The following ARHGEF7 variants were observed in gnomAD, a reference collection of about 807,000 sequenced individuals.
The protein encoded by ARHGEF7 is PAK-interacting exchange factor beta.
In ARHGEF7, 33 loss-of-function variants were observed where a neutral mutation model predicts 109.8. That is an observed-to-expected ratio of 0.30 (90% CI 0.23 to 0.40). The LOEUF (loss-of-function observed/expected upper bound fraction) is 0.40. Ranked by LOEUF, ARHGEF7 falls within the 10% of genes least tolerant of loss-of-function variation. The pLI is 1.00. For missense variants in ARHGEF7, 938 were observed against 1,098.5 expected, an observed-to-expected ratio of 0.85 and a Z score of 2.07; for synonymous variants, 458 against 424.6, an observed-to-expected ratio of 1.08 and a Z score of -0.97.
chr13:111,133,410 AT>A (rs2074889365), intron 1 of ARHGEF7, among the ~76,000 whole-genome samples: 1 of 152,132 alleles, frequency 6.6e-6, no homozygotes, highest in Admixed American at 6.5e-5. Flanking sequence ...ATGTATATGT[AT>A]GCACATATAT....
intron 2 of ARHGEF7, among the ~76,000 whole-genome samples, chr13:111,164,374 A>G (rs189060157): frequency 9.5e-4 from 144 of 152,322 alleles, no homozygotes; most frequent in African/African-American, 3.3e-3. Flanking sequence ...GTGTTTGACA[A>G]CATCAAGGCA....
Position 111,146,682 on chromosome 13 carries a change from G to A in ARHGEF7, c.166-7223G>A, listed in dbSNP as rs575660043. ...GTTTTTTTACTCAAACTCTTTCAAA[G>A]TTTGAGAGTCTTTAAATTCTGAGAG... On this transcript the variant is annotated intron_variant, in intron 1 of 21. Transcript: ENST00000646102. Among the ~76,000 whole-genome samples the A allele has an allele frequency of 7.8e-4, 118 of 152,238 alleles. 1 individual carries two copies. The highest frequency in any genetic ancestry group is 1.2e-3 in the Non-Finnish European group (85 of 68,018).
chr13:111,217,972 C>A, intron 5 of ARHGEF7, 92 bp downstream of exon 5: 1 of 1,286,950 alleles, frequency 7.8e-7, no homozygotes, highest in Non-Finnish European at 1.1e-6. Flanking sequence ...CCAGCTGGAC[C>A]TGTGCAAATG....
intron 1 of ARHGEF7, among the ~76,000 whole-genome samples, chr13:111,139,780 T>C (rs917693942): frequency 6.6e-6 from 1 of 152,168 alleles, no homozygotes; most frequent in Non-Finnish European, 1.5e-5. Context: ...CTGATGCCCA[T>C]GCACAGAGGA....
At chr13:111,293,223 C>T (rs1247736529) in intron 19 of ARHGEF7, 2 of 985,302 alleles carry the variant, frequency 2.0e-6, no homozygotes, top group Admixed American at 6.2e-5. Context: ...CTTACAAAGT[C>T]AAGTGCTGTG....
At chr13:111,296,911 A>G (rs1309294426) in intron 19 of ARHGEF7, among the ~76,000 whole-genome samples, 6 of 152,238 alleles carry the variant, frequency 3.9e-5, no homozygotes, top group Non-Finnish European at 8.8e-5. Context: ...TGACTGTGCT[A>G]GAACCATCAT....
chr13:111,195,751 C>A (rs1203080492), intron 2 of ARHGEF7, among the ~76,000 whole-genome samples: 1 of 152,142 alleles, frequency 6.6e-6, no homozygotes, highest in Non-Finnish European at 1.5e-5. Flanking sequence ...GTTGGACAGT[C>A]TTTTTTAAAG....
intron 2 of ARHGEF7, among the ~76,000 whole-genome samples, chr13:111,204,722 A>G (rs80108545): frequency 0.066 from 10,009 of 152,056 alleles, 463 homozygotes; most frequent in Non-Finnish European, 0.098. Context: ...CTGGCCTCAG[A>G]GCTCTGAGGG....
chr13:111,274,606 G>C (rs1314647857), intron 10 of ARHGEF7, 125 bp from the exon 11 acceptor site: 3 of 457,206 alleles, frequency 6.6e-6, no homozygotes, highest in Admixed American at 8.3e-5. Flanking sequence ...CTTTAATGCT[G>C]AGGGAAAAAG....
At chr13:111,192,309 A>G (rs1224837867) in intron 2 of ARHGEF7, among the ~76,000 whole-genome samples, 1 of 152,204 alleles carries the variant, frequency 6.6e-6, no homozygotes, top group African/African-American at 2.4e-5. Context: ...CAAAGAGCCC[A>G]TGGATGGGGA....
intron 6 of ARHGEF7, among the ~76,000 whole-genome samples, chr13:111,242,652 G>A (rs1334535948): frequency 1.3e-5 from 2 of 152,182 alleles, no homozygotes; most frequent in East Asian, 3.8e-4. Context: ...CTTCACTTAC[G>A]TCAGGTCCTT....
chr13:111,136,007 G>T (rs1212791762), intron 1 of ARHGEF7, among the ~76,000 whole-genome samples: 7 of 152,112 alleles, frequency 4.6e-5, no homozygotes, highest in Non-Finnish European at 1.5e-5. Flanking sequence ...TAGCATGAAG[G>T]GCTGTTGAAT....
At chr13:111,180,054 C>A (rs1242684749) in intron 2 of ARHGEF7, among the ~76,000 whole-genome samples, 1 of 152,188 alleles carries the variant, frequency 6.6e-6, no homozygotes, top group Non-Finnish European at 1.5e-5. Context: ...TGCCTACGTG[C>A]CTGAATTACT....
At chr13:111,191,946 A>C (rs2079939452) in intron 2 of ARHGEF7, among the ~76,000 whole-genome samples, 1 of 152,222 alleles carries the variant, frequency 6.6e-6, no homozygotes, top group Non-Finnish European at 1.5e-5. Context: ...ATGCTGCTTA[A>C]TCATATGATG....
chr13:111,217,961 T>C lies in ARHGEF7; in HGVS notation c.670+81T>C, dbSNP rs181527441. On this transcript the variant is annotated intron_variant, in intron 5 of 21. Transcript: ENST00000646102. ...AATGTACTTGACATAGTGTTTACTC[T>C]CCAGCTGGACCTGTGCAAATGACCT... The C allele has an allele frequency of 5.7e-5, 78 of 1,367,282 alleles. No individual in the cohort carries two copies. In the African/African-American group the frequency reaches 8.8e-4, roughly 16 times the overall value. 84.7% of individuals were successfully genotyped at this position (1,367,282 alleles called of 1,614,324 possible). A position where few individuals can be genotyped will look rare whatever the true frequency, so the allele number is the denominator to read the frequency against.
intron 2 of ARHGEF7, among the ~76,000 whole-genome samples, chr13:111,163,748 T>A (rs2076920746): frequency 6.6e-6 from 1 of 152,236 alleles, no homozygotes; most frequent in South Asian, 2.1e-4. Flanking sequence ...TTGCCCAGGC[T>A]GATCTCTAAC....
At chr13:111,206,459 G>T (rs1447827254) in intron 3 of ARHGEF7, among the ~76,000 whole-genome samples, 3 of 152,170 alleles carry the variant, frequency 2.0e-5, no homozygotes. Flanking sequence ...GGGAGCAGGG[G>T]CAGACCCCAG....
intron 1 of ARHGEF7, among the ~76,000 whole-genome samples, chr13:111,143,015 G>A (rs1192817328): frequency 1.3e-5 from 2 of 152,228 alleles, no homozygotes; most frequent in Non-Finnish European, 1.5e-5. Flanking sequence ...TTCACTGTGT[G>A]TGGAGCTGGG....
chr13:111,216,952 G>A (rs1251362120), intron 4 of ARHGEF7, among the ~76,000 whole-genome samples: 4 of 152,348 alleles, frequency 2.6e-5, no homozygotes, highest in Non-Finnish European at 4.4e-5. Context: ...AGAAAAATGC[G>A]AATTAAAATA....
Sources: allele counts gnomAD v4.1 joint callset (sites outside exome capture counted in the v4.1 genomes callset), GRCh38; gene constraint gnomAD v4.1.1; transcripts MANE v1.5; gene names NCBI Gene and HGNC (gene_info 2026-07-23, HGNC 2026-07-21).